Variants in OXCT1 observed in about 807,000 individuals in gnomAD.
The protein encoded by OXCT1 is succinyl-CoA:3-ketoacid coenzyme A transferase 1, mitochondrial.
Under a neutral mutation model 69.6 loss-of-function variants are expected in OXCT1, and 27 were observed. The ratio of observed to expected loss-of-function variants is 0.39; its 90% CI spans 0.29 to 0.54. The LOEUF is 0.54. Ranked by LOEUF, OXCT1 falls within the 20% of genes least tolerant of loss-of-function variation. The probability of loss-of-function intolerance (pLI) is 0.72; values close to 1 mark genes in which losing one functional copy is unlikely to be tolerated. For missense variants in OXCT1, 437 were observed against 650.2 expected, an observed-to-expected ratio of 0.67 and a Z score of 3.57; for synonymous variants, 202 against 217.8, an observed-to-expected ratio of 0.93 and a Z score of 0.64.
chr5:41,843,440 G>A, intron 5 of OXCT1: 1 of 413,586 alleles, frequency 2.4e-6, no homozygotes, highest in East Asian at 7.3e-5. Flanking sequence ...TTGCTACTGT[G>A]AATGTTACAT....
chr5:41,731,653 G>T lies in OXCT1; in HGVS notation c.*76C>A. 1 of 1,540,564 alleles carries T rather than the reference G, an allele frequency of 6.5e-7. No homozygotes were observed. Among genetic ancestry groups the T allele is most frequent in the Non-Finnish European group, 8.8e-7 (1 of 1,136,228 alleles). ...AACCACCTGTTAAATACACAATTATGATTATTGATGTCCTTTCAATTAAAT... is the reference window on the plus strand; with the variant it reads ...AACCACCTGTTAAATACACAATTATTATTATTGATGTCCTTTCAATTAAAT... On this transcript the variant is annotated 3_prime_UTR_variant, in exon 17 of 17. Coordinates refer to ENST00000196371, the MANE Select transcript of OXCT1 (RefSeq NM_000436.4).
intron 14 of OXCT1, among the ~76,000 whole-genome samples, chr5:41,758,818 C>T (rs1029353521): frequency 6.6e-6 from 1 of 152,040 alleles, no homozygotes; most frequent in Non-Finnish European, 1.5e-5. Context: ...ACTTTAAAGA[C>T]ATACCTCAGA....
intron 15 of OXCT1, among the ~76,000 whole-genome samples, chr5:41,749,218 T>C (rs1321730660): frequency 1.3e-5 from 2 of 152,094 alleles, no homozygotes; most frequent in African/African-American, 2.4e-5. Context: ...ATTCATAACT[T>C]TGCATATATC....
At chr5:41,860,887 G>A (rs143457083) in intron 3 of OXCT1, among the ~76,000 whole-genome samples, 61 of 151,778 alleles carry the variant, frequency 4.0e-4, no homozygotes, top group Admixed American at 2.3e-3. Flanking sequence ...TAGAATGATG[G>A]CATTGCTAAA....
intron 15 of OXCT1, among the ~76,000 whole-genome samples, chr5:41,748,241 T>C (rs1050164212): frequency 2.0e-5 from 3 of 151,854 alleles, no homozygotes; most frequent in Non-Finnish European, 2.9e-5. Context: ...CAGGTAGTAT[T>C]TGGGGAGGCT....
chr5:41,791,069 T>C (rs1441111466), intron 13 of OXCT1, among the ~76,000 whole-genome samples: 1 of 152,206 alleles, frequency 6.6e-6, no homozygotes, highest in Admixed American at 6.5e-5. Context: ...CCAAAACATG[T>C]GCTTCAGATC....
At chr5:41,804,895 T>C (rs1403922878) in intron 9 of OXCT1, among the ~76,000 whole-genome samples, 1 of 152,098 alleles carries the variant, frequency 6.6e-6, no homozygotes, top group African/African-American at 2.4e-5. Context: ...CATTTTATCA[T>C]ATGCGATCTG....
intron 7 of OXCT1, among the ~76,000 whole-genome samples, chr5:41,838,522 C>T (rs576458659): frequency 1.2e-4 from 19 of 152,214 alleles, no homozygotes; most frequent in African/African-American, 4.6e-4. Flanking sequence ...AAACTTCCTG[C>T]AATGATAATG....
chr5:41,825,837 T>C (rs1579818785), intron 7 of OXCT1, among the ~76,000 whole-genome samples: 1 of 152,302 alleles, frequency 6.6e-6, no homozygotes, highest in South Asian at 2.1e-4. Flanking sequence ...ACTAAAATCA[T>C]GAGCTAAGTA....
At chr5:41,739,076 C>T (rs1390528875) in intron 16 of OXCT1, among the ~76,000 whole-genome samples, 4 of 152,166 alleles carry the variant, frequency 2.6e-5, no homozygotes, top group African/African-American at 4.8e-5. Context: ...GCCATATAAC[C>T]AAAGAACAGG....
intron 7 of OXCT1, among the ~76,000 whole-genome samples, chr5:41,834,487 CA>C (rs1209653207): frequency 0.084 from 6,280 of 75,052 alleles, 146 homozygotes; most frequent in Middle Eastern, 0.16. Context: ...TGGAAACCCA[CA>C]AAAAAAAAAA....
chr5:41,869,124 T>C (rs753281470), intron 1 of OXCT1, among the ~76,000 whole-genome samples: 6 of 152,212 alleles, frequency 3.9e-5, no homozygotes, highest in Non-Finnish European at 8.8e-5. Context: ...TCTGCAGTTA[T>C]AAAAATGCTT....
rs1168038187 is a variant in OXCT1 at position 41,757,772 on chromosome 5, G to A, written c.1338+4339C>T. ...GCCAGATAAAGAGGGAGTGGGCACT[G>A]AATGTACAAACACCTAAGAATGGGA... On this transcript the variant is annotated intron_variant, in intron 14 of 16. Transcript: ENST00000196371. Among the ~76,000 whole-genome samples, 3 of 152,094 alleles carry A rather than the reference G, an allele frequency of 2.0e-5. No individual in the cohort carries two copies. In the East Asian group the frequency reaches 5.8e-4, roughly 29 times the overall value.
In OXCT1 at chr5:41,855,902, T is replaced by C. The variant is rs138530070; in HGVS notation, c.279-2348A>G. On this transcript the variant is annotated intron_variant, in intron 3 of 16. Transcript: ENST00000196371. ...CACAGACATAGGAAAAAAGAAAACATCTCGAGAACAGTGTGTGGGGTGGAG... is the reference window on the plus strand; with the variant it reads ...CACAGACATAGGAAAAAAGAAAACACCTCGAGAACAGTGTGTGGGGTGGAG... Among the ~76,000 whole-genome samples the C allele has an allele frequency of 8.4e-4, 127 of 151,846 alleles. 2 individuals are homozygous for C. Among genetic ancestry groups the C allele is most frequent in the African/African-American group, 1.9e-3 (80 of 41,420 alleles).
chr5:41,743,710 T>A (rs889107984), intron 15 of OXCT1, among the ~76,000 whole-genome samples: 1 of 152,198 alleles, frequency 6.6e-6, no homozygotes, highest in African/African-American at 2.4e-5. Flanking sequence ...CTAGCCAGTT[T>A]TCCCAGCACC....
chr5:41,834,527 T>C (rs2112377483), intron 7 of OXCT1, among the ~76,000 whole-genome samples: 1 of 144,812 alleles, frequency 6.9e-6, no homozygotes, highest in Admixed American at 6.8e-5. Flanking sequence ...GGAGTAGCTA[T>C]ACTTACATCA....
intron 3 of OXCT1, 124 bp downstream of exon 3, chr5:41,861,190 A>G: frequency 1.3e-6 from 1 of 743,782 alleles, no homozygotes; most frequent in Non-Finnish European, 2.4e-6. Flanking sequence ...TAAACACTAG[A>G]TTTTGATGCT....
intron 3 of OXCT1, among the ~76,000 whole-genome samples, chr5:41,859,823 C>A (rs1749631400): frequency 7.3e-6 from 1 of 136,530 alleles, no homozygotes; most frequent in African/African-American, 2.7e-5. Flanking sequence ...ATAGACTGAC[C>A]ATTGGGCTCT....
At chr5:41,865,480 A>G (rs573283749) in intron 1 of OXCT1, among the ~76,000 whole-genome samples, 1 of 152,360 alleles carries the variant, frequency 6.6e-6, no homozygotes, top group Non-Finnish European at 1.5e-5. Flanking sequence ...ACCTGCAGGT[A>G]CTTGTTTTTT....
Sources: allele counts gnomAD v4.1 joint callset (sites outside exome capture counted in the v4.1 genomes callset), GRCh38; gene constraint gnomAD v4.1.1; transcripts MANE v1.5; gene names NCBI Gene and HGNC (gene_info 2026-07-23, HGNC 2026-07-21).